The following CTIF variants were observed in gnomAD, a reference collection of about 807,000 sequenced individuals.
CTIF encodes cap binding complex dependent translation initiation factor, also known as CBP80/20-dependent translation initiation factor.
A neutral mutation model predicts 66.0 loss-of-function variants in CTIF; 21 were observed. The observed-to-expected ratio is 0.32, with a 90% CI of 0.23 to 0.46. The LOEUF (loss-of-function observed/expected upper bound fraction) is 0.46, where lower values mean the gene tolerates loss of function less well. Ranked by LOEUF, CTIF falls within the 20% of genes least tolerant of loss-of-function variation. The pLI is 1.00. For missense variants in CTIF, 739 were observed against 812.7 expected (o/e 0.91, Z 1.10); for synonymous variants, 345 against 326.4 (o/e 1.06, Z -0.62).
intron 10 of CTIF, among the ~76,000 whole-genome samples, chr18:48,837,713 T>C (rs547205074): frequency 6.6e-6 from 1 of 152,272 alleles, no homozygotes; most frequent in East Asian, 1.9e-4. Flanking sequence ...CAGCCCTACA[T>C]AGCCCTAAAA....
Position 48,859,204 on chromosome 18 carries a change from T to C in CTIF, c.1582-140T>C. ...CCACCTTCCACTCTCCCTGTCCTCA[T>C]TCCAGCTGTGGCACAGGGGTCTGGG... On this transcript the variant is annotated intron_variant, in intron 11 of 11. Transcript: ENST00000256413. The C allele has an allele frequency of 1.1e-5, 8 of 725,716 alleles. No individual in the cohort carries two copies. In the South Asian group the frequency reaches 1.3e-4, roughly 12 times the overall value. 45.0% of individuals were successfully genotyped at this position (725,716 alleles called of 1,614,324 possible). A position where few individuals can be genotyped will look rare whatever the true frequency, so the allele number is the denominator to read the frequency against.
intron 6 of CTIF, among the ~76,000 whole-genome samples, chr18:48,707,259 A>T (rs1262611639): frequency 6.6e-6 from 1 of 152,248 alleles, no homozygotes; most frequent in Non-Finnish European, 1.5e-5. Context: ...TTACCATTCA[A>T]GGGATCTATC....
chr18:48,816,462 T>G (rs1482250412), intron 9 of CTIF, among the ~76,000 whole-genome samples: 1 of 152,180 alleles, frequency 6.6e-6, no homozygotes, highest in Non-Finnish European at 1.5e-5. Flanking sequence ...TATATTAACC[T>G]TTCTGTTGAG....
intron 9 of CTIF, among the ~76,000 whole-genome samples, chr18:48,801,849 TGGA>T (rs1466457901): frequency 1.3e-5 from 2 of 152,220 alleles, no homozygotes; most frequent in African/African-American, 4.8e-5. Context: ...GCAGAAACCG[TGGA>T]GAAGACTCTA....
At chr18:48,749,919 A>T (rs1421641507) in intron 7 of CTIF, among the ~76,000 whole-genome samples, 1 of 152,154 alleles carries the variant, frequency 6.6e-6, no homozygotes. Flanking sequence ...GGCCGAGCGG[A>T]AGGGCGAGGG....
At position 48,620,159 on chromosome 18, in the gene CTIF, A is replaced by G. The variant is rs143519771; in HGVS notation, c.180+414A>G. ...TTGTGAATATTTTCTGTGATTTCAA[A>G]TACAAGTAGTTGTTGGTAGCCAAAG... On this transcript the variant is annotated intron_variant, in intron 2 of 11. Transcript: ENST00000256413. 2.6e-5 allele frequency among the ~76,000 whole-genome samples: 4 copies of G among 152,318 alleles called. No homozygotes were observed. The East Asian group carries it at 7.7e-4, about 29-fold the overall frequency.
chr18:48,560,446 C>G (rs771253018), intron 1 of CTIF, among the ~76,000 whole-genome samples: 2 of 152,018 alleles, frequency 1.3e-5, no homozygotes, highest in Admixed American at 6.5e-5. Context: ...AGGATGGTCT[C>G]GATCTCCTGA....
At position 48,636,686 on chromosome 18, in the gene CTIF, G is replaced by A; in HGVS notation, c.252+1G>A. On this transcript the variant is annotated splice_donor_variant, in intron 3 of 11. Coordinates refer to ENST00000256413, the MANE Select transcript of CTIF (RefSeq NM_014772.3). LOFTEE classifies it high-confidence loss of function. ...CCGAGGGCGAGCCCCCCCACAGCAG[G>A]TAGGGAACCAGCTCTGCGCTCTGTC... 1.3e-6 allele frequency: 2 copies of A among 1,594,442 alleles called. No homozygotes were observed. Among genetic ancestry groups the A allele is most frequent in the South Asian group, 1.1e-5 (1 of 87,322 alleles).
chr18:48,776,474 C>T (rs1183130051), intron 9 of CTIF, among the ~76,000 whole-genome samples: 1 of 152,240 alleles, frequency 6.6e-6, no homozygotes, highest in East Asian at 1.9e-4. Flanking sequence ...CCTCACTCCC[C>T]TCTGCAGAAG....
chr18:48,818,455 G>A (rs1214435585), intron 10 of CTIF, among the ~76,000 whole-genome samples: 1 of 152,174 alleles, frequency 6.6e-6, no homozygotes, highest in Admixed American at 6.5e-5. Flanking sequence ...GGGATGAAAA[G>A]CAAGAGTCAG....
chr18:48,729,262 C>G (rs1284988655), intron 7 of CTIF, among the ~76,000 whole-genome samples: 2 of 152,086 alleles, frequency 1.3e-5, no homozygotes, highest in African/African-American at 4.8e-5. Context: ...AGATACACAC[C>G]CACGTTCCCC....
chr18:48,761,562 G>A lies in CTIF; in HGVS notation c.1244G>A (p.Arg415His), dbSNP rs367568700. Residue 415 changes from arginine to histidine, a missense_variant, in exon 9 of 12, where the codon CGC (arginine) becomes CAC (histidine). Transcript: ENST00000256413. The surrounding 1 kb of genome is among the most constrained non-coding windows in gnomAD (Gnocchi z 4.2). ...GAGGAGATGCTGGGCGAGATCGTGC[G>A]CACAATCTACCAGAAGGCTGTGTCC... Reference protein sequence around the residue: ...NSEEMLGEIVRTIYQKAVSDR... With the variant: ...NSEEMLGEIVHTIYQKAVSDR... 4.3e-5 allele frequency: 69 copies of A among 1,614,080 alleles called. No individual in the cohort carries two copies. The highest frequency in any genetic ancestry group is 5.3e-5 in the Non-Finnish European group (62 of 1,180,050).
chr18:48,622,294 G>A (rs901409609), intron 2 of CTIF, among the ~76,000 whole-genome samples: 1 of 152,242 alleles, frequency 6.6e-6, no homozygotes, highest in East Asian at 1.9e-4. Context: ...GGTGTGGCGT[G>A]TGTCCAGGAG....
intron 7 of CTIF, among the ~76,000 whole-genome samples, chr18:48,745,025 T>G (rs1231566327): frequency 1.3e-5 from 2 of 152,162 alleles, no homozygotes; most frequent in Non-Finnish European, 2.9e-5. Context: ...GGTTTCACCG[T>G]GTTAGCTAGG....
chr18:48,663,860 G>C (rs1346187792), intron 4 of CTIF, 35 bp downstream of exon 4: 1 of 1,591,080 alleles, frequency 6.3e-7, no homozygotes, highest in Non-Finnish European at 8.6e-7. Flanking sequence ...TGTGGTGTGA[G>C]GTCCAGCCGG....
intron 6 of CTIF, among the ~76,000 whole-genome samples, chr18:48,682,746 C>T (rs1276914089): frequency 1.3e-5 from 2 of 152,234 alleles, no homozygotes; most frequent in South Asian, 2.1e-4. Flanking sequence ...AACATGGTCC[C>T]CCAGACTCCA....
At chr18:48,550,903 C>T (rs781619159) in intron 1 of CTIF, among the ~76,000 whole-genome samples, 2 of 152,098 alleles carry the variant, frequency 1.3e-5, no homozygotes, top group African/African-American at 2.4e-5. Flanking sequence ...AAACCAGTTC[C>T]GTGTGGCACT....
intron 3 of CTIF, among the ~76,000 whole-genome samples, chr18:48,651,606 C>T (rs1049622286): frequency 6.6e-6 from 1 of 152,174 alleles, no homozygotes; most frequent in Non-Finnish European, 1.5e-5. Context: ...TAGCTCTGCA[C>T]CAAGCAGACC....
rs76816069 is a variant in CTIF at position 48,556,655 on chromosome 18, C to G, written c.-29+17343C>G. Among the ~76,000 whole-genome samples, 161 of 152,262 alleles carry G rather than the reference C, an allele frequency of 1.1e-3. 4 individuals are homozygous for G. The East Asian group carries it at 0.03, about 28-fold the overall frequency. ...TCTCAGCTCACTGCAACCTCTTCGT[C>G]CCAGGTTCAAGCGATTCTTGTGCTT... On this transcript the variant is annotated intron_variant, in intron 1 of 11. Coordinates refer to ENST00000256413, the MANE Select transcript of CTIF (RefSeq NM_014772.3).
Sources: gnomAD v4.1 joint callset for allele counts (sites outside exome capture counted in the v4.1 genomes callset) on GRCh38, gnomAD v4.1.1 for gene constraint, Gnocchi (gnomAD v3.1) non-coding constraint, MANE v1.5 for transcripts, NCBI Gene and HGNC (gene_info 2026-07-23, HGNC 2026-07-21) for gene names.